Variants in BCKDHB observed in about 807,000 individuals in gnomAD.
The protein encoded by BCKDHB is 2-oxoisovalerate dehydrogenase subunit beta, mitochondrial.
BCKDHB carries 41 observed loss-of-function variants against 48.5 expected under a neutral mutation model. The observed-to-expected ratio is 0.85, with a 90% CI of 0.66 to 1.10. BCKDHB has a LOEUF of 1.10. BCKDHB is among the 50% of genes least tolerant of loss of function. The pLI is 0.00. For missense variants in BCKDHB, 496 were observed against 494.2 expected (o/e 1.00, Z -0.03); for synonymous variants, 201 against 174.8 (o/e 1.15, Z -1.18).
the BCKDHB span, among the ~76,000 whole-genome samples, chr6:80,458,861 C>G: frequency 1.3e-5 from 2 of 151,938 alleles, no homozygotes; most frequent in African/African-American, 4.8e-5. Context: ...CTGTCATGAA[C>G]AAAACTAAGC....
chr6:80,465,822 C>G, the BCKDHB span: 1 of 152,052 alleles, frequency 6.6e-6, no homozygotes, highest in South Asian at 2.1e-4. Flanking sequence ...AACAATAAAC[C>G]AAGTACAGTT....
chr6:80,360,806 G>C, the BCKDHB span, among the ~76,000 whole-genome samples: 2 of 151,910 alleles, frequency 1.3e-5, no homozygotes, highest in Non-Finnish European at 2.9e-5. Flanking sequence ...AGGAGTTCGA[G>C]ACCAGCCTGG....
At chr6:80,110,861 T>C (rs943495691) in intron 1 of BCKDHB, among the ~76,000 whole-genome samples, 6 of 152,208 alleles carry the variant, frequency 3.9e-5, no homozygotes, top group Admixed American at 3.9e-4. Context: ...GTCTTTAAGC[T>C]GTATTTTGGC....
the BCKDHB span, chr6:80,453,019 C>G: frequency 1.3e-5 from 2 of 152,112 alleles, no homozygotes; most frequent in Non-Finnish European, 2.9e-5. Flanking sequence ...CAGAAAATCA[C>G]TATTATAATG....
At chr6:80,409,038 CT>C in the BCKDHB span, among the ~76,000 whole-genome samples, 1 of 152,088 alleles carries the variant, frequency 6.6e-6, no homozygotes, top group Non-Finnish European at 1.5e-5. Flanking sequence ...CTATACAGTG[CT>C]TTAAATGTGT....
In BCKDHB at chr6:80,117,920, A is replaced by C. The variant is rs541522328; in HGVS notation, c.197-9627A>C. 2.0e-5 allele frequency among the ~76,000 whole-genome samples: 3 copies of C among 152,078 alleles called. No homozygotes were observed. In the East Asian group the frequency reaches 5.8e-4, roughly 29 times the overall value. On this transcript the variant is annotated intron_variant, in intron 1 of 9. Transcript: ENST00000320393. ...TGTGTGTGTCTTTAATTCCTCTAACACCGCTGGGTTAGTGTCTCCCCAACC... is the reference window on the plus strand; with the variant it reads ...TGTGTGTGTCTTTAATTCCTCTAACCCCGCTGGGTTAGTGTCTCCCCAACC...
At chr6:80,279,843 G>A (rs994786300) in intron 9 of BCKDHB, among the ~76,000 whole-genome samples, 5 of 152,264 alleles carry the variant, frequency 3.3e-5, no homozygotes, top group African/African-American at 1.2e-4. Context: ...ATGATAAACA[G>A]GTAGTTATAG....
the BCKDHB span, among the ~76,000 whole-genome samples, chr6:80,445,851 A>G: frequency 6.6e-6 from 1 of 152,188 alleles, no homozygotes; most frequent in Non-Finnish European, 1.5e-5. Context: ...CAAACCTGCC[A>G]TGTTAAACTG....
Position 80,133,384 on chromosome 6 carries a change from G to A in BCKDHB, c.343+4155G>A, listed in dbSNP as rs139032706. On this transcript the variant is annotated intron_variant, in intron 3 of 9. Coordinates refer to ENST00000320393, the MANE Select transcript of BCKDHB (RefSeq NM_183050.4). ...GACGATCCAGATGAGTGTGGATTTA[G>A]TACCACTAAACTGCTTCTCTTCCTT... Among the ~76,000 whole-genome samples the A allele has an allele frequency of 1.5e-4, 23 of 152,318 alleles. No individual in the cohort carries two copies. The East Asian group carries it at 4.4e-3, about 29-fold the overall frequency.
chr6:80,133,073 C>T (rs1770712460), intron 3 of BCKDHB, among the ~76,000 whole-genome samples: 1 of 152,168 alleles, frequency 6.6e-6, no homozygotes, highest in South Asian at 2.1e-4. Flanking sequence ...ACCCTTGTGC[C>T]AGATCAGTTC....
At chr6:80,151,230 G>T (rs1021754038) in intron 3 of BCKDHB, among the ~76,000 whole-genome samples, 1 of 152,116 alleles carries the variant, frequency 6.6e-6, no homozygotes, top group African/African-American at 2.4e-5. Context: ...ACTCATTGGA[G>T]TGTGAACTAG....
At chr6:80,373,011 T>A in the BCKDHB span, among the ~76,000 whole-genome samples, 55 of 152,166 alleles carry the variant, frequency 3.6e-4, no homozygotes, top group Non-Finnish European at 6.5e-4. Flanking sequence ...TGGAATAGTG[T>A]CAATAGGATT....
intron 9 of BCKDHB, among the ~76,000 whole-genome samples, chr6:80,340,261 T>C (rs936711561): frequency 6.6e-6 from 1 of 152,196 alleles, no homozygotes; most frequent in African/African-American, 2.4e-5. Flanking sequence ...ATGTAGGCGG[T>C]ACTAAATTGT....
chr6:80,413,228 T>C, the BCKDHB span, among the ~76,000 whole-genome samples: 2,465 of 152,188 alleles, frequency 0.016, 62 homozygotes, highest in African/African-American at 0.056. Context: ...TATCAATCTC[T>C]CACAAACATA....
intron 8 of BCKDHB, among the ~76,000 whole-genome samples, chr6:80,269,620 T>G (rs901197997): frequency 1.3e-5 from 2 of 152,088 alleles, no homozygotes; most frequent in Non-Finnish European, 2.9e-5. Flanking sequence ...TACTTGCAAA[T>G]CCAGCCTTAC....
chr6:80,224,439 C>A (rs1276520383), intron 8 of BCKDHB, among the ~76,000 whole-genome samples: 1 of 152,012 alleles, frequency 6.6e-6, no homozygotes, highest in Non-Finnish European at 1.5e-5. Context: ...GTTGCACAGG[C>A]CGCAGTACAA....
the BCKDHB span, chr6:80,355,342 A>G: frequency 0.95 from 139,993 of 147,304 alleles, 66,990 homozygotes; most frequent in Middle Eastern, 1. Context: ...AGAGGTTGCA[A>G]TGAGCCGAGA....
chr6:80,126,181 G>A (rs1770330373), intron 1 of BCKDHB, among the ~76,000 whole-genome samples: 1 of 152,160 alleles, frequency 6.6e-6, no homozygotes, highest in Admixed American at 6.6e-5. Context: ...GGCACAGAGG[G>A]CAGAGGACGT....
At chr6:80,232,829 TC>T (rs1438465687) in intron 8 of BCKDHB, among the ~76,000 whole-genome samples, 2 of 151,516 alleles carry the variant, frequency 1.3e-5, no homozygotes, top group Non-Finnish European at 2.9e-5. Flanking sequence ...GCGTTCTCTT[TC>T]TTTATGGCAA....
Sources: gnomAD v4.1 joint callset for allele counts (sites outside exome capture counted in the v4.1 genomes callset) on GRCh38, gnomAD v4.1.1 for gene constraint, MANE v1.5 for transcripts, NCBI Gene and HGNC (gene_info 2026-07-23, HGNC 2026-07-21) for gene names.